MAMDC2: variants seen among roughly 807,000 people sequenced by gnomAD.
MAMDC2 encodes the protein MAM domain-containing protein 2.
Under a neutral mutation model 89.8 loss-of-function variants are expected in MAMDC2, and 57 were observed. The observed-to-expected ratio is 0.63, with a 90% CI of 0.51 to 0.79. The LOEUF (loss-of-function observed/expected upper bound fraction) is 0.79. Ranked by LOEUF, MAMDC2 falls within the 30% of genes least tolerant of loss-of-function variation. The pLI is 0.00. For missense variants in MAMDC2, 800 were observed against 820.6 expected (o/e 0.97, Z 0.31); for synonymous variants, 313 against 293.4 (o/e 1.07, Z -0.68).
chr9:70,118,795 G>A (rs977146977), intron 5 of MAMDC2, among the ~76,000 whole-genome samples: 1 of 152,192 alleles, frequency 6.6e-6, no homozygotes, highest in African/African-American at 2.4e-5. Context: ...GAAGGTTGAG[G>A]GAAGTCTTCC....
At chr9:70,135,919 G>T (rs2871290) in intron 7 of MAMDC2, among the ~76,000 whole-genome samples, 12,884 of 152,188 alleles carry the variant, frequency 0.085, 668 homozygotes, top group East Asian at 0.22. Flanking sequence ...GGGAGGCAAA[G>T]GAGGGTGGAT....
At chr9:70,121,523 T>C (rs1044250668) in intron 5 of MAMDC2, among the ~76,000 whole-genome samples, 2 of 152,196 alleles carry the variant, frequency 1.3e-5, no homozygotes, top group Non-Finnish European at 2.9e-5. Flanking sequence ...GGCAATAAGC[T>C]TCTCAATTCT....
chr9:70,186,525 C>T (rs1314786578), intron 11 of MAMDC2, among the ~76,000 whole-genome samples: 1 of 152,106 alleles, frequency 6.6e-6, no homozygotes, highest in Non-Finnish European at 1.5e-5. Flanking sequence ...GATGTCAGTC[C>T]TAAAATTGTT....
intron 1 of MAMDC2, 144 bp from the exon 2 acceptor site, chr9:70,044,440 C>A: frequency 2.5e-6 from 2 of 803,378 alleles, no homozygotes; most frequent in Non-Finnish European, 3.9e-6. Context: ...CCCGGGGATG[C>A]TGGGGGACAG....
intron 11 of MAMDC2, among the ~76,000 whole-genome samples, chr9:70,178,535 T>A (rs983288730): frequency 5.9e-5 from 9 of 152,196 alleles, no homozygotes; most frequent in Non-Finnish European, 1.5e-5. Context: ...AGTTACCCAT[T>A]CAAAAATTAA....
At chr9:70,121,286 G>A (rs2030271070) in intron 5 of MAMDC2, among the ~76,000 whole-genome samples, 1 of 152,204 alleles carries the variant, frequency 6.6e-6, no homozygotes, top group South Asian at 2.1e-4. Flanking sequence ...GAAAGGAACA[G>A]ACAGCCTCTT....
Position 70,046,474 on chromosome 9 carries a change from A to G in MAMDC2, c.148+1777A>G, listed in dbSNP as rs896910013. 1.4e-4 allele frequency among the ~76,000 whole-genome samples: 21 copies of G among 152,344 alleles called. No homozygotes were observed. The East Asian group carries it at 2.1e-3, about 15-fold the overall frequency. ...GGAAATCAACATCATTCCTTAAGCCAGGAGCCTTAGTTAGTCTCTGAGTTC... is the reference window on the plus strand; with the variant it reads ...GGAAATCAACATCATTCCTTAAGCCGGGAGCCTTAGTTAGTCTCTGAGTTC... On this transcript the variant is annotated intron_variant, in intron 2 of 13. Transcript: ENST00000377182.
intron 5 of MAMDC2, among the ~76,000 whole-genome samples, chr9:70,121,646 A>C (rs1285934515): frequency 6.6e-6 from 1 of 152,070 alleles, no homozygotes; most frequent in African/African-American, 2.4e-5. Flanking sequence ...TGGCAGATTA[A>C]AGGATTCTGT....
At chr9:70,135,914 G>C (rs1312621123) in intron 7 of MAMDC2, among the ~76,000 whole-genome samples, 1 of 152,284 alleles carries the variant, frequency 6.6e-6, no homozygotes, top group East Asian at 1.9e-4. Flanking sequence ...ACTTTGGGAG[G>C]CAAAGGAGGG....
chr9:70,113,163 C>A, intron 5 of MAMDC2, 31 bp downstream of exon 5: 1 of 1,611,034 alleles, frequency 6.2e-7, no homozygotes, highest in South Asian at 1.1e-5. Flanking sequence ...GTCCTTTTCC[C>A]AGGATAAATT....
At chr9:70,048,585 C>G (rs769795482) in intron 2 of MAMDC2, among the ~76,000 whole-genome samples, 62 of 152,320 alleles carry the variant, frequency 4.1e-4, no homozygotes, top group South Asian at 2.1e-4. Flanking sequence ...AGGCATGAGC[C>G]ACCGCGCCCA....
At chr9:70,214,163 G>A (rs377531214) in intron 11 of MAMDC2, among the ~76,000 whole-genome samples, 2 of 152,284 alleles carry the variant, frequency 1.3e-5, no homozygotes. Flanking sequence ...TATACAGTAT[G>A]TTAAGAGGCA....
chr9:70,194,414 G>C (rs2118610309), intron 11 of MAMDC2: 1 of 152,202 alleles, frequency 6.6e-6, no homozygotes, highest in East Asian at 1.9e-4. Flanking sequence ...TTGTAAAAGA[G>C]GTTTCACGCA....
At chr9:70,147,574 T>C (rs988491198) in intron 9 of MAMDC2, among the ~76,000 whole-genome samples, 10 of 150,250 alleles carry the variant, frequency 6.7e-5, no homozygotes. Context: ...CTTTAGACAG[T>C]GTCTCTTGAC....
intron 11 of MAMDC2, chr9:70,170,843 G>T (rs2032317644): frequency 4.6e-6 from 2 of 438,222 alleles, no homozygotes; most frequent in Non-Finnish European, 7.9e-6. Context: ...GCTGCAGCAA[G>T]GATCTAACAG....
intron 9 of MAMDC2, among the ~76,000 whole-genome samples, chr9:70,160,660 G>A (rs763326959): frequency 5.9e-5 from 9 of 152,106 alleles, no homozygotes; most frequent in Admixed American, 2.0e-4. Flanking sequence ...CATTTTCAGC[G>A]CAGAGCAGGG....
chr9:70,145,651 G>A (rs1249562263), intron 9 of MAMDC2, among the ~76,000 whole-genome samples: 2 of 151,998 alleles, frequency 1.3e-5, no homozygotes, highest in Non-Finnish European at 2.9e-5. Context: ...TGGAATCTTC[G>A]TTACACTCTA....
At chr9:70,156,774 T>C (rs2031778836) in intron 9 of MAMDC2, among the ~76,000 whole-genome samples, 1 of 152,220 alleles carries the variant, frequency 6.6e-6, no homozygotes, top group Non-Finnish European at 1.5e-5. Flanking sequence ...AGTTCATGAA[T>C]TCTACATTGC....
At chr9:70,069,930 C>T (rs1040246060) in intron 2 of MAMDC2, among the ~76,000 whole-genome samples, 1 of 152,194 alleles carries the variant, frequency 6.6e-6, no homozygotes, top group Non-Finnish European at 1.5e-5. Context: ...CTAAGAATAA[C>T]AGTCTCAATG....
Sources: allele counts gnomAD v4.1 joint callset (sites outside exome capture counted in the v4.1 genomes callset), GRCh38; gene constraint gnomAD v4.1.1; transcripts MANE v1.5; gene names NCBI Gene and HGNC (gene_info 2026-07-23, HGNC 2026-07-21).